Variants in CDH4 observed in about 807,000 individuals in gnomAD.
CDH4 encodes cadherin-4.
CDH4 carries 33 observed loss-of-function variants against 86.0 expected under a neutral mutation model. The ratio of observed to expected loss-of-function variants is 0.38; its 90% CI spans 0.29 to 0.51. CDH4 has a LOEUF of 0.51. Ranked by LOEUF, CDH4 falls within the 20% of genes least tolerant of loss-of-function variation. CDH4 has a pLI of 0.86. For missense variants in CDH4, 1,114 were observed against 1,307.4 expected, an observed-to-expected ratio of 0.85 and a Z score of 2.28; for synonymous variants, 555 against 549.4, an observed-to-expected ratio of 1.01 and a Z score of -0.14.
intron 2 of CDH4, among the ~76,000 whole-genome samples, chr20:61,308,145 A>G (rs575488429): frequency 6.6e-6 from 1 of 152,324 alleles, no homozygotes; most frequent in South Asian, 2.1e-4. Context: ...GGGCGGGGGC[A>G]TGCAAATATT....
intron 2 of CDH4, among the ~76,000 whole-genome samples, chr20:61,497,983 C>T (rs2085674270): frequency 6.9e-6 from 1 of 145,434 alleles, no homozygotes; most frequent in African/African-American, 2.6e-5. Context: ...CGCATGTTCT[C>T]ACTCATAGGT....
intron 9 of CDH4, among the ~76,000 whole-genome samples, chr20:61,916,093 G>C (rs908805176): frequency 6.6e-6 from 1 of 151,424 alleles, no homozygotes; most frequent in Admixed American, 6.6e-5. Flanking sequence ...GGGATGCTTC[G>C]CCTTAGAAAA....
chr20:61,348,282 CTCCCCTTT>C (rs937430438), intron 2 of CDH4, among the ~76,000 whole-genome samples: 2 of 152,154 alleles, frequency 1.3e-5, no homozygotes, highest in African/African-American at 4.8e-5. Flanking sequence ...GTGCAGGGGA[CTCCCCTTT>C]ATCAAATCAT....
At chr20:61,312,529 A>T (rs2084452470) in intron 2 of CDH4, among the ~76,000 whole-genome samples, 1 of 152,042 alleles carries the variant, frequency 6.6e-6, no homozygotes, top group Non-Finnish European at 1.5e-5. Flanking sequence ...GCTGGTCCGT[A>T]TTGGGGACCC....
At chr20:61,689,923 T>C (rs1158151182) in intron 2 of CDH4, among the ~76,000 whole-genome samples, 3 of 141,014 alleles carry the variant, frequency 2.1e-5, no homozygotes, top group Admixed American at 2.1e-4. Context: ...GGACGGTGGT[T>C]GGTGAGGTGA....
At chr20:61,842,365 C>T (rs1206427314) in intron 4 of CDH4, among the ~76,000 whole-genome samples, 9 of 152,206 alleles carry the variant, frequency 5.9e-5, no homozygotes, top group Admixed American at 3.3e-4. Flanking sequence ...TCCTGCATTT[C>T]AAGGTCTGCA....
chr20:61,582,320 C>T lies in CDH4; in HGVS notation c.170-161243C>T, dbSNP rs1016640177. On this transcript the variant is annotated intron_variant, in intron 2 of 15. Coordinates refer to ENST00000614565, the MANE Select transcript of CDH4 (RefSeq NM_001794.5). The surrounding 1 kb of genome is among the most constrained non-coding windows in gnomAD (Gnocchi z 4.2). Reference sequence around the variant, plus strand: ...GTTTCCATGAGCCAGGTGCCCTGCACGGATCCGCTCTCCTCCTTATTGTTC... The same window carrying T: ...GTTTCCATGAGCCAGGTGCCCTGCATGGATCCGCTCTCCTCCTTATTGTTC... Among the ~76,000 whole-genome samples the T allele has an allele frequency of 3.3e-5, 5 of 152,036 alleles. No homozygotes were observed. Among genetic ancestry groups the T allele is most frequent in the African/African-American group, 9.7e-5 (4 of 41,290 alleles).
Position 61,932,975 on chromosome 20 carries a change from T to G in CDH4, c.2240-10T>G. On this transcript the variant is annotated splice_polypyrimidine_tract_variant and intron_variant, in intron 13 of 15. Coordinates refer to ENST00000614565, the MANE Select transcript of CDH4 (RefSeq NM_001794.5). ...AGCACACCCTGCTCACGGGCAGCCC[T>G]CCCCCACAGCCATGGTCCTGCTGTT... The G allele has an allele frequency of 6.2e-7, 1 of 1,609,492 alleles. No individual in the cohort carries two copies. Among genetic ancestry groups the G allele is most frequent in the Non-Finnish European group, 8.5e-7 (1 of 1,176,944 alleles).
intron 12 of CDH4, 63 bp from the exon 13 acceptor site, chr20:61,929,546 G>A: frequency 7.7e-7 from 1 of 1,292,248 alleles, no homozygotes; most frequent in Non-Finnish European, 1.1e-6. Flanking sequence ...CTTTTCCTTT[G>A]GACGTCTTGC....
intron 2 of CDH4, among the ~76,000 whole-genome samples, chr20:61,565,241 G>GGTGGTC (rs1278281894): frequency 3.7e-5 from 1 of 26,984 alleles, no homozygotes; most frequent in East Asian, 1.2e-3. Flanking sequence ...TGGTGGTGGT[G>GGTGGTC]GCGGTGCTCT....
At chr20:61,583,798 A>G (rs1329340855) in intron 2 of CDH4, among the ~76,000 whole-genome samples, 1 of 152,234 alleles carries the variant, frequency 6.6e-6, no homozygotes, top group East Asian at 1.9e-4. Context: ...AAGTGTGGAC[A>G]GCGTGTCGCT....
At chr20:61,335,402 A>G (rs1198271274) in intron 2 of CDH4, among the ~76,000 whole-genome samples, 1 of 152,224 alleles carries the variant, frequency 6.6e-6, no homozygotes, top group East Asian at 1.9e-4. Flanking sequence ...TGTGTGATGC[A>G]CAGATGTGAT....
intron 2 of CDH4, among the ~76,000 whole-genome samples, chr20:61,608,953 G>A (rs539160665): frequency 1.4e-4 from 21 of 152,260 alleles, no homozygotes; most frequent in East Asian, 5.8e-4. Context: ...CTGCCCTGTC[G>A]AGGCTAGGCT....
chr20:61,601,181 G>A (rs1191803980), intron 2 of CDH4, among the ~76,000 whole-genome samples: 1 of 152,224 alleles, frequency 6.6e-6, no homozygotes, highest in Non-Finnish European at 1.5e-5. Context: ...GGAAGGCAAA[G>A]CGGGAGCAGG....
At chr20:61,884,314 T>C (rs1036063845) in intron 7 of CDH4, among the ~76,000 whole-genome samples, 1 of 152,166 alleles carries the variant, frequency 6.6e-6, no homozygotes, top group African/African-American at 2.4e-5. Context: ...AGCAGAAGGT[T>C]GAGTGAGACA....
At chr20:61,649,711 C>CA (rs1224091844) in intron 2 of CDH4, among the ~76,000 whole-genome samples, 1 of 152,160 alleles carries the variant, frequency 6.6e-6, no homozygotes, top group Non-Finnish European at 1.5e-5. Context: ...GAGCAGCTTG[C>CA]AGGAAGCGTT....
chr20:61,666,668 T>G (rs1448175669), intron 2 of CDH4, among the ~76,000 whole-genome samples: 1 of 152,030 alleles, frequency 6.6e-6, no homozygotes, highest in Non-Finnish European at 1.5e-5. Context: ...CCAGGAGGGA[T>G]CCCATCCCCC....
At chr20:61,364,650 G>A (rs2123324952) in intron 2 of CDH4, among the ~76,000 whole-genome samples, 1 of 152,282 alleles carries the variant, frequency 6.6e-6, no homozygotes, top group Non-Finnish European at 1.5e-5. Context: ...CCATAAACAT[G>A]TGCATAAACA....
chr20:61,327,973 A>G (rs1240714811), intron 2 of CDH4, among the ~76,000 whole-genome samples: 1 of 152,170 alleles, frequency 6.6e-6, no homozygotes, highest in Non-Finnish European at 1.5e-5. Context: ...AATTCACAGG[A>G]CAATACTGAT....
Sources: gnomAD v4.1 joint callset for allele counts (sites outside exome capture counted in the v4.1 genomes callset) on GRCh38, gnomAD v4.1.1 for gene constraint, Gnocchi (gnomAD v3.1) non-coding constraint, MANE v1.5 for transcripts, NCBI Gene and HGNC (gene_info 2026-07-23, HGNC 2026-07-21) for gene names.